MYO1B: variants seen among roughly 807,000 people sequenced by gnomAD.
MYO1B encodes myosin IB.
Under a neutral mutation model 159.7 loss-of-function variants are expected in MYO1B, and 72 were observed. The observed-to-expected ratio is 0.45, with a 90% CI of 0.37 to 0.55. MYO1B has a LOEUF of 0.55. Among genes scored for constraint, MYO1B ranks in the 20% least tolerant of loss-of-function variants. The pLI is 0.00. For synonymous variants in MYO1B, 468 were observed against 473.8 expected, an observed-to-expected ratio of 0.99 and a Z score of 0.16; for missense variants, 1,062 against 1,364.8, an observed-to-expected ratio of 0.78 and a Z score of 3.50.
intron 3 of MYO1B, among the ~76,000 whole-genome samples, chr2:191,307,976 A>C (rs145527722): frequency 1.3e-5 from 2 of 151,942 alleles, no homozygotes; most frequent in Non-Finnish European, 2.9e-5. Flanking sequence ...CCATCTCCCC[A>C]AAAAAACAGA....
At chr2:191,288,830 C>A (rs948394563) in intron 2 of MYO1B, among the ~76,000 whole-genome samples, 1 of 152,156 alleles carries the variant, frequency 6.6e-6, no homozygotes, top group East Asian at 1.9e-4. Flanking sequence ...GTGATTTTTG[C>A]GTTGGAAGTA....
intron 1 of MYO1B, among the ~76,000 whole-genome samples, chr2:191,253,573 T>TA (rs5837223): frequency 0.53 from 78,807 of 147,454 alleles, 24,387 homozygotes; most frequent in Non-Finnish European, 0.68. Flanking sequence ...TTTCACAACT[T>TA]AAAAAAAAAA....
intron 13 of MYO1B, among the ~76,000 whole-genome samples, chr2:191,375,623 T>A (rs1694658539): frequency 1.3e-5 from 2 of 152,152 alleles, no homozygotes; most frequent in Non-Finnish European, 2.9e-5. Flanking sequence ...TTTATGGATA[T>A]GCTGTAAATA....
intron 4 of MYO1B, among the ~76,000 whole-genome samples, chr2:191,336,223 T>C (rs1311027319): frequency 6.6e-6 from 1 of 152,224 alleles, no homozygotes; most frequent in African/African-American, 2.4e-5. Context: ...AGCCATCTGC[T>C]AGAAGAGTTA....
intron 3 of MYO1B, among the ~76,000 whole-genome samples, chr2:191,303,325 G>A (rs1689449969): frequency 6.6e-6 from 1 of 152,124 alleles, no homozygotes; most frequent in African/African-American, 2.4e-5. Flanking sequence ...GGGTGTGTGT[G>A]CGTGTGTGTG....
chr2:191,309,894 C>G (rs1316811035), intron 3 of MYO1B, among the ~76,000 whole-genome samples: 1 of 152,182 alleles, frequency 6.6e-6, no homozygotes, highest in African/African-American at 2.4e-5. Context: ...TGAGCACTTG[C>G]GCTTTATTTT....
At chr2:191,394,528 C>G (rs1695947763) in intron 20 of MYO1B, among the ~76,000 whole-genome samples, 3 of 152,240 alleles carry the variant, frequency 2.0e-5, no homozygotes, top group Middle Eastern at 3.4e-3. Context: ...TTCCTGACTT[C>G]CTAAAGTTTA....
At chr2:191,323,396 G>A (rs1485506704) in intron 3 of MYO1B, among the ~76,000 whole-genome samples, 1 of 152,246 alleles carries the variant, frequency 6.6e-6, no homozygotes, top group Non-Finnish European at 1.5e-5. Flanking sequence ...GCTCTGTTTT[G>A]AAGGTGTCTT....
At chr2:191,343,986 AG>A (rs1184033769) in intron 5 of MYO1B, among the ~76,000 whole-genome samples, 3 of 152,210 alleles carry the variant, frequency 2.0e-5, no homozygotes, top group Non-Finnish European at 4.4e-5. Flanking sequence ...GGTTGTGTTT[AG>A]TAATGTGCAA....
intron 7 of MYO1B, among the ~76,000 whole-genome samples, chr2:191,359,510 C>T (rs1280406141): frequency 6.6e-6 from 1 of 152,070 alleles, no homozygotes; most frequent in Non-Finnish European, 1.5e-5. Flanking sequence ...TCTTATGCTG[C>T]ATCTCTTTAT....
intron 1 of MYO1B, among the ~76,000 whole-genome samples, chr2:191,264,060 C>G (rs1477020019): frequency 6.6e-6 from 1 of 152,122 alleles, no homozygotes; most frequent in African/African-American, 2.4e-5. Context: ...ATGCTTCCAA[C>G]ATTAGAAAAA....
At chr2:191,382,951 A>G (rs1386548793) in intron 14 of MYO1B, among the ~76,000 whole-genome samples, 1 of 152,212 alleles carries the variant, frequency 6.6e-6, no homozygotes, top group Non-Finnish European at 1.5e-5. Context: ...AAACATACAC[A>G]ACGTAATATT....
intron 24 of MYO1B, among the ~76,000 whole-genome samples, chr2:191,406,861 A>G (rs1023347865): frequency 3.9e-5 from 6 of 152,230 alleles, no homozygotes; most frequent in Non-Finnish European, 7.3e-5. Context: ...GTAAAAAGAA[A>G]AACTGCCTAT....
intron 2 of MYO1B, among the ~76,000 whole-genome samples, chr2:191,287,028 T>C (rs1688415267): frequency 6.6e-6 from 1 of 152,208 alleles, no homozygotes; most frequent in South Asian, 2.1e-4. Flanking sequence ...TATTAACATA[T>C]TTTATGTAGA....
chr2:191,361,130 G>C lies in MYO1B; in HGVS notation c.661+401G>C, dbSNP rs912587966. 5.3e-5 allele frequency among the ~76,000 whole-genome samples: 8 copies of C among 152,310 alleles called. No homozygotes were observed. The East Asian group carries it at 1.3e-3, about 26-fold the overall frequency. The stretch of plus-strand genomic sequence containing the variant: ...TCTCCGATGTGTTGAGGACTGTGCA[G>C]ATGATTCAGTCAACTCAAGTGGAAT... On this transcript the variant is annotated intron_variant, in intron 8 of 30. Coordinates refer to ENST00000392318, the MANE Select transcript of MYO1B (RefSeq NM_001130158.3).
At chr2:191,295,660 A>T (rs1322867861) in intron 2 of MYO1B, among the ~76,000 whole-genome samples, 2 of 152,172 alleles carry the variant, frequency 1.3e-5, no homozygotes, top group African/African-American at 4.8e-5. Context: ...GGAAGGCCCT[A>T]TGAGGTGTGG....
chr2:191,289,590 A>G lies in MYO1B; in HGVS notation c.136-6521A>G, dbSNP rs113046199. On this transcript the variant is annotated intron_variant, in intron 2 of 30. Transcript: ENST00000392318. ...TTCATCCTGAAGAAAATAAGGAAGC[A>G]GGTAGGTAGACAGATTGGATGCCTA... is the stretch of plus-strand genomic sequence containing the variant. Among the ~76,000 whole-genome samples, 1,161 of 152,344 alleles carry G rather than the reference A, an allele frequency of 7.6e-3. 11 individuals carry two copies. Among genetic ancestry groups the G allele is most frequent in the African/African-American group, 0.027 (1,105 of 41,560 alleles).
chr2:191,327,289 C>T (rs1691162240), intron 3 of MYO1B, among the ~76,000 whole-genome samples: 1 of 152,156 alleles, frequency 6.6e-6, no homozygotes, highest in Admixed American at 6.5e-5. Context: ...GTGGCATAAA[C>T]ATGGCATAAA....
chr2:191,248,866 CT>C (rs1553525131), intron 1 of MYO1B, among the ~76,000 whole-genome samples: 2 of 152,156 alleles, frequency 1.3e-5, no homozygotes, highest in Non-Finnish European at 2.9e-5. Context: ...TGTCAAATTA[CT>C]TTCACGTCTA....
Sources: allele counts gnomAD v4.1 joint callset (sites outside exome capture counted in the v4.1 genomes callset), GRCh38; gene constraint gnomAD v4.1.1; transcripts MANE v1.5; gene names NCBI Gene and HGNC (gene_info 2026-07-23, HGNC 2026-07-21).